The following SIDT1 variants were observed in gnomAD, a reference collection of about 807,000 sequenced individuals.
SIDT1 encodes the protein SID1 transmembrane family, member 1.
A neutral mutation model predicts 107.5 loss-of-function variants in SIDT1; 101 were observed. That is an observed-to-expected ratio of 0.94 (90% CI 0.80 to 1.11). The LOEUF is 1.11. SIDT1 is among the 50% of genes least tolerant of loss of function. The pLI, the probability that SIDT1 is intolerant of heterozygous loss-of-function variation, is 0.00. For synonymous variants in SIDT1, 395 were observed against 398.2 expected (o/e 0.99, Z 0.10); for missense variants, 1,076 against 1,058.2 (o/e 1.02, Z -0.23).
At chr3:113,576,854 T>C in intron 3 of SIDT1, 68 bp from the exon 4 acceptor site, 3 of 1,494,940 alleles carry the variant, frequency 2.0e-6, no homozygotes, top group Non-Finnish European at 2.8e-6. Context: ...AAATAAATAA[T>C]TTTTGCTCAC....
chr3:113,619,820 T>C (rs1317025456), intron 21 of SIDT1, 94 bp downstream of exon 21: 3 of 1,194,228 alleles, frequency 2.5e-6, no homozygotes, highest in Non-Finnish European at 3.7e-6. Flanking sequence ...CAAAGAAATC[T>C]GAAATTAAGG....
intron 17 of SIDT1, among the ~76,000 whole-genome samples, chr3:113,609,789 C>T (rs972127408): frequency 5.3e-5 from 8 of 152,176 alleles, no homozygotes; most frequent in African/African-American, 1.7e-4. Flanking sequence ...TCATTCACCA[C>T]TCAGAATGAA....
chr3:113,566,050 T>C (rs60211993), intron 1 of SIDT1, among the ~76,000 whole-genome samples: 3,181 of 152,328 alleles, frequency 0.021, 63 homozygotes, highest in African/African-American at 0.055. Context: ...AATCTTGTGT[T>C]GCCTGCTCCG....
chr3:113,574,647 A>G (rs1343419328), intron 3 of SIDT1, among the ~76,000 whole-genome samples: 2 of 149,492 alleles, frequency 1.3e-5, no homozygotes, highest in Non-Finnish European at 3.0e-5. Flanking sequence ...CCCCCGACCC[A>G]TGGGCCCCTT....
At position 113,601,597 on chromosome 3, in the gene SIDT1, A is replaced by G. The variant is rs1175625353; in HGVS notation, c.1055A>G (p.Asn352Ser). 1.9e-6 allele frequency: 3 copies of G among 1,613,832 alleles called. 1 individual carries two copies. Among genetic ancestry groups the G allele is most frequent in the Middle Eastern group, 3.3e-4 (2 of 6,060 alleles). ...TCACTTTTTTTAACAGGCTCTGGAAATATGGTGGCATCTCATCCCATTGCT... is the reference window on the plus strand; with the variant it reads ...TCACTTTTTTTAACAGGCTCTGGAAGTATGGTGGCATCTCATCCCATTGCT... ...GSFGSNDGSG[N>S]MVASHPIAAS... The change falls in exon 11 of 25, where the codon AAT becomes AGT. Residue 352 changes from asparagine (N) to serine (S), a missense_variant. Asn to Ser is a conservative substitution (Grantham distance 46). Coordinates refer to ENST00000264852, the MANE Select transcript of SIDT1 (RefSeq NM_017699.3).
intron 11 of SIDT1, 168 bp from the exon 12 acceptor site, chr3:113,602,836 AG>A (rs1945053636): frequency 1.8e-6 from 1 of 560,294 alleles, no homozygotes. Flanking sequence ...GAAAAATAAA[AG>A]TCCATTGAGA....
chr3:113,612,841 T>A (rs945763185), intron 19 of SIDT1, among the ~76,000 whole-genome samples: 1 of 152,244 alleles, frequency 6.6e-6, no homozygotes, highest in Non-Finnish European at 1.5e-5. Flanking sequence ...GACTTAAATA[T>A]CCTTTTGTCT....
At chr3:113,585,308 C>A (rs752988573) in intron 9 of SIDT1, 38 bp downstream of exon 9, 3 of 1,450,548 alleles carry the variant, frequency 2.1e-6, no homozygotes, top group Admixed American at 1.7e-5. Context: ...ATTCCCTGTG[C>A]CTGTCTCTGT....
At chr3:113,550,727 T>G (rs1338327452) in intron 1 of SIDT1, among the ~76,000 whole-genome samples, 1 of 152,172 alleles carries the variant, frequency 6.6e-6, no homozygotes, top group Admixed American at 6.5e-5. Flanking sequence ...TTTTTTTAAG[T>G]TTTTTTCTTG....
At chr3:113,630,780 G>A (rs1187222764), downstream of SIDT1, among the ~76,000 whole-genome samples, 2 of 152,160 alleles carry the variant, frequency 1.3e-5, no homozygotes, top group Non-Finnish European at 2.9e-5. Context: ...GAGGTGTGCA[G>A]GGTACCAGGA....
intron 1 of SIDT1, among the ~76,000 whole-genome samples, chr3:113,539,512 A>G (rs1002191939): frequency 1.4e-5 from 2 of 144,754 alleles, no homozygotes; most frequent in Non-Finnish European, 3.0e-5. Context: ...ATGGATTGGT[A>G]ACATTTTCTA....
At chr3:113,597,006 G>A (rs1944605951) in intron 10 of SIDT1, among the ~76,000 whole-genome samples, 1 of 152,178 alleles carries the variant, frequency 6.6e-6, no homozygotes, top group Non-Finnish European at 1.5e-5. Context: ...AGGAACGCAG[G>A]CCATTCAGTG....
At chr3:113,568,621 G>GA (rs1942154880) in intron 3 of SIDT1, among the ~76,000 whole-genome samples, 1 of 149,754 alleles carries the variant, frequency 6.7e-6, no homozygotes, top group Non-Finnish European at 1.5e-5. Flanking sequence ...GAAAAGAAAA[G>GA]AAAAGAAAAA....
chr3:113,567,866 G>A, intron 3 of SIDT1, 156 bp downstream of exon 3: 1 of 695,824 alleles, frequency 1.4e-6, no homozygotes, highest in Non-Finnish European at 2.4e-6. Context: ...TAACTGAGCA[G>A]CAGGGCCTTA....
rs1945695944 is a variant in SIDT1, at chr3:113,611,034, G to GTACA, written c.1747_1748insTACA (p.Gly583ValfsTer44). 6.2e-7 allele frequency: 1 copy of GTACA among 1,613,812 alleles called. No individual in the cohort carries two copies. The highest frequency in any genetic ancestry group is 1.3e-5 in the African/African-American group (1 of 74,854). Reference sequence around the variant, plus strand: ...CACCTCCTTCATGTACATGATCGCTGGCCTGTGCATGCTGAAGCTCTATCA... The same window carrying GTACA: ...CACCTCCTTCATGTACATGATCGCTGTACAGCCTGTGCATGCTGAAGCTCTATCA... On this transcript the variant is annotated frameshift_variant, in exon 18 of 25. Coordinates refer to ENST00000264852, the MANE Select transcript of SIDT1 (RefSeq NM_017699.3). LOFTEE classifies it high-confidence loss of function.
At chr3:113,623,919 A>C (rs1480424388) in intron 23 of SIDT1, among the ~76,000 whole-genome samples, 186 bp downstream of exon 23, 1 of 152,226 alleles carries the variant, frequency 6.6e-6, no homozygotes. Context: ...TCAGGGTGGC[A>C]CTTTATAAAT....
chr3:113,601,805 G>A (rs1397774941), intron 11 of SIDT1, 146 bp downstream of exon 11: 4 of 551,378 alleles, frequency 7.3e-6, no homozygotes, highest in Non-Finnish European at 1.3e-5. Context: ...TGAGTTGCTT[G>A]GAGATTTGGA....
intron 1 of SIDT1, among the ~76,000 whole-genome samples, chr3:113,554,457 G>A (rs1364964590): frequency 6.6e-6 from 1 of 152,054 alleles, no homozygotes; most frequent in Non-Finnish European, 1.5e-5. Flanking sequence ...TTTTTCCCAT[G>A]CTGTTCTCAT....
Position 113,533,126 on chromosome 3 carries a change from G to T in SIDT1, c.105G>T (p.Pro35=), listed in dbSNP as rs760252827. 11 of 1,559,812 alleles carry T rather than the reference G, an allele frequency of 7.1e-6. No individual in the cohort carries two copies. In the South Asian group the frequency reaches 7.2e-5, roughly 10 times the overall value. Residue 35 remains proline (P), a synonymous_variant, in exon 1 of 25, where the codon CCG becomes CCT. Coordinates refer to ENST00000264852, the MANE Select transcript of SIDT1 (RefSeq NM_017699.3). ...PAKSPRQPPA[P]RRDPFDAARG... ...AATCCCCCAGGCAGCCCCCGGCACC[G>T]CGCCGCGACCCCTTCGACGCTGCCA...
Sources: allele counts gnomAD v4.1 joint callset (sites outside exome capture counted in the v4.1 genomes callset), GRCh38; gene constraint gnomAD v4.1.1; transcripts MANE v1.5; gene names NCBI Gene and HGNC (gene_info 2026-07-23, HGNC 2026-07-21).